Variants in ZNF236 observed in about 807,000 individuals in gnomAD.
ZNF236 encodes the protein zinc finger protein 236, also known as regulated by glucose.
Under a neutral mutation model 191.2 loss-of-function variants are expected in ZNF236, and 50 were observed. That is an observed-to-expected ratio of 0.26 (90% CI 0.21 to 0.33). The LOEUF (loss-of-function observed/expected upper bound fraction) is 0.33. Among genes scored for constraint, ZNF236 ranks in the 10% least tolerant of loss-of-function variants. The pLI is 1.00. For synonymous variants in ZNF236, 907 were observed against 928.8 expected (o/e 0.98, Z 0.43); for missense variants, 1,754 against 2,374.5 (o/e 0.74, Z 5.43).
chr18:76,928,052 C>T lies in ZNF236; in HGVS notation c.4540C>T (p.Pro1514Ser). Reference sequence around the variant, plus strand: ...CCAGGTCCTGGCACAGGCCGCTGGGCCCACTGCCACGTCTTCCTCGGGGTC... The same window carrying T: ...CCAGGTCCTGGCACAGGCCGCTGGGTCCACTGCCACGTCTTCCTCGGGGTC... The part of the protein sequence containing the change: ...LSQVLAQAAG[P>S]TATSSSGSPQ... The change falls in exon 25 of 31, where the codon CCC becomes TCC. Residue 1514 changes from proline to serine, a missense_variant. Physicochemically the swap from Pro to Ser is moderately conservative, Grantham distance 74. Around this residue, in one of 5 missense-constraint regions of ZNF236, gnomAD observed 606 missense variants for 761.5 expected, o/e 0.80. Transcript: ENST00000320610. The T allele has an allele frequency of 6.2e-7, 1 of 1,613,868 alleles. No homozygotes were observed. The highest frequency in any genetic ancestry group is 8.5e-7 in the Non-Finnish European group (1 of 1,179,880).
At chr18:76,959,593 C>A in intron 28 of ZNF236, 94 bp from the exon 29 acceptor site, 1 of 1,430,572 alleles carries the variant, frequency 7.0e-7, no homozygotes, top group South Asian at 1.5e-5. Flanking sequence ...GTCCTTGCCA[C>A]TGACTTGAAC....
intron 9 of ZNF236, chr18:76,886,817 G>A (rs1977071973): frequency 6.4e-6 from 1 of 156,134 alleles, no homozygotes; most frequent in South Asian, 1.9e-4. Flanking sequence ...TTCAAAATCT[G>A]AACATAATCA....
intron 1 of ZNF236, among the ~76,000 whole-genome samples, chr18:76,826,045 A>G (rs1466139940): frequency 6.6e-6 from 1 of 152,194 alleles, no homozygotes; most frequent in African/African-American, 2.4e-5. Context: ...TATGAATTTC[A>G]TTCCTAAGAA....
At chr18:76,904,584 C>G in intron 12 of ZNF236, 63 bp downstream of exon 12, 1 of 1,438,200 alleles carries the variant, frequency 7.0e-7, no homozygotes, top group Non-Finnish European at 9.3e-7. Context: ...GACCTGATGA[C>G]GTCTAGAAGT....
At chr18:76,934,143 G>A (rs1183798656) in intron 25 of ZNF236, among the ~76,000 whole-genome samples, 1 of 152,152 alleles carries the variant, frequency 6.6e-6, no homozygotes, top group Non-Finnish European at 1.5e-5. Context: ...GGTTAACTCT[G>A]GCTGTTTCAT....
At chr18:76,824,674 C>A (rs1369813502) in intron 1 of ZNF236, among the ~76,000 whole-genome samples, 1 of 152,208 alleles carries the variant, frequency 6.6e-6, no homozygotes, top group Non-Finnish European at 1.5e-5. Context: ...CCCCCAGTAT[C>A]CCCATCTCAC....
chr18:76,852,944 A>G (rs1975923272), intron 3 of ZNF236, among the ~76,000 whole-genome samples: 1 of 151,648 alleles, frequency 6.6e-6, no homozygotes, highest in African/African-American at 2.4e-5. Flanking sequence ...ATGAACTGCA[A>G]CTCCCTGTCA....
At chr18:76,945,880 T>A (rs927440140) in intron 26 of ZNF236, among the ~76,000 whole-genome samples, 3 of 152,352 alleles carry the variant, frequency 2.0e-5, no homozygotes, top group Non-Finnish European at 2.9e-5. Flanking sequence ...TTTGCTTTTT[T>A]AAAAAGCTGC....
Position 76,915,852 on chromosome 18 carries a change from A to AGGAGGAGGTATTTTCCAT in ZNF236, c.3268_3274+11dup. 2 of 1,611,836 alleles carry AGGAGGAGGTATTTTCCAT rather than the reference A, an allele frequency of 1.2e-6. No homozygotes were observed. The highest frequency in any genetic ancestry group is 8.5e-7 in the Non-Finnish European group (1 of 1,177,954). ...CTGTGTCAGCCACTGGAGAGACAGA[A>AGGAGGAGGTATTTTCCAT]GGAGGAGGTATTTTCCATTTGTTGA... On this transcript the variant is annotated inframe_insertion, in exon 19 of 31. Transcript: ENST00000320610.
intron 25 of ZNF236, among the ~76,000 whole-genome samples, chr18:76,929,029 C>G (rs1967782962): frequency 6.7e-6 from 1 of 148,354 alleles, no homozygotes; most frequent in African/African-American, 2.5e-5. Context: ...AGCCCCACTT[C>G]CCTGAAACAC....
chr18:76,827,665 T>C (rs1405199835), intron 1 of ZNF236, among the ~76,000 whole-genome samples: 1 of 152,116 alleles, frequency 6.6e-6, no homozygotes, highest in Non-Finnish European at 1.5e-5. Context: ...AATTCAAGCC[T>C]AAAGAGATGA....
intron 27 of ZNF236, among the ~76,000 whole-genome samples, chr18:76,950,451 C>G (rs1968376223): frequency 6.6e-6 from 1 of 152,178 alleles, no homozygotes; most frequent in African/African-American, 2.4e-5. Context: ...ACCTTTAGAT[C>G]CCTATCTGCT....
chr18:76,857,172 G>A (rs149811514), intron 3 of ZNF236, among the ~76,000 whole-genome samples: 3 of 151,804 alleles, frequency 2.0e-5, no homozygotes, highest in East Asian at 3.9e-4. Context: ...TCCTTCTCTC[G>A]CAGGGCCTTC....
At chr18:76,855,758 G>A (rs184181959) in intron 3 of ZNF236, among the ~76,000 whole-genome samples, 20 of 152,212 alleles carry the variant, frequency 1.3e-4, no homozygotes, top group African/African-American at 4.6e-4. Context: ...GGGGCTGGGC[G>A]TGGGTGGGGT....
Position 76,968,449 on chromosome 18 carries a change from G to T in ZNF236, c.*110G>T. 2.0e-6 allele frequency: 3 copies of T among 1,495,820 alleles called. No individual in the cohort carries two copies. The highest frequency in any genetic ancestry group is 2.5e-5 in the East Asian group (1 of 39,400). 92.7% of individuals were successfully genotyped at this position (1,495,820 alleles called of 1,614,324 possible). A position where few individuals can be genotyped will look rare whatever the true frequency, so the allele number is the denominator to read the frequency against. On this transcript the variant is annotated 3_prime_UTR_variant, in exon 31 of 31. Transcript: ENST00000320610. ...TTCAAGTGTTAAAAATGCTACAATA[G>T]TTTTTTATCTATAAAATTATCTAAA...
In ZNF236 at chr18:76,878,298, G is replaced by A. The variant is rs919854248; in HGVS notation, c.984+146G>A. The A allele has an allele frequency of 2.1e-5, 15 of 714,692 alleles. No homozygotes were observed. The African/African-American group carries it at 2.3e-4, about 11-fold the overall frequency. The allele number at this position is 714,692 out of a possible 1,614,324, so 44.3% of individuals were successfully genotyped here. A position where few individuals can be genotyped will look rare whatever the true frequency, so the allele number is the denominator to read the frequency against. On this transcript the variant is annotated intron_variant, in intron 7 of 30. Coordinates refer to ENST00000320610, the MANE Select transcript of ZNF236 (RefSeq NM_001306089.2). ...AGGTGCTACTTTTTAAAGAATTAAA[G>A]TCAATCTTTTAAAATTTGAGAATAA...
intron 19 of ZNF236, among the ~76,000 whole-genome samples, chr18:76,917,959 CTCTT>C (rs1344361421): frequency 2.6e-5 from 4 of 152,166 alleles, no homozygotes; most frequent in Non-Finnish European, 4.4e-5. Flanking sequence ...TTGCTCCCCT[CTCTT>C]TCTTCTTCCC....
intron 9 of ZNF236, among the ~76,000 whole-genome samples, chr18:76,889,131 C>G (rs561351316): frequency 1.3e-5 from 2 of 152,342 alleles, no homozygotes; most frequent in East Asian, 3.9e-4. Flanking sequence ...ACCTTCACAC[C>G]TGGCTTTTGC....
intron 26 of ZNF236, among the ~76,000 whole-genome samples, chr18:76,945,983 C>T (rs1267891351): frequency 6.6e-6 from 1 of 151,036 alleles, no homozygotes; most frequent in East Asian, 2.0e-4. Flanking sequence ...TATTTTGCCA[C>T]CTGCCACTCT....
Sources: allele counts gnomAD v4.1 joint callset (sites outside exome capture counted in the v4.1 genomes callset), GRCh38; gene constraint gnomAD v4.1.1; regional missense constraint gnomAD v4.1.1; transcripts MANE v1.5; gene names NCBI Gene and HGNC (gene_info 2026-07-23, HGNC 2026-07-21).